Variants in EYS observed in about 807,000 individuals in gnomAD.
EYS encodes the protein EGF-like photoreceptor maintenance factor, also known as protein eyes shut homolog.
EYS carries 250 observed loss-of-function variants against 282.1 expected under a neutral mutation model. The observed-to-expected ratio is 0.89, with a 90% CI of 0.80 to 0.98. The LOEUF (loss-of-function observed/expected upper bound fraction) is 0.98. Ranked by LOEUF, EYS falls within the 50% of genes least tolerant of loss-of-function variation. The probability of loss-of-function intolerance (pLI) is 0.00; values close to 1 mark genes in which losing one functional copy is unlikely to be tolerated. For synonymous variants in EYS, 1,355 were observed against 1,282.9 expected (o/e 1.06, Z -1.20); for missense variants, 4,016 against 3,709.0 (o/e 1.08, Z -2.15).
chr6:63,781,408 G>A (rs1770222560), intron 39 of EYS, among the ~76,000 whole-genome samples: 1 of 152,020 alleles, frequency 6.6e-6, no homozygotes, highest in Non-Finnish European at 1.5e-5. Flanking sequence ...ATTTGTTTGT[G>A]TCCTCTTTTA....
At chr6:65,279,199 A>G in intron 12 of EYS, among the ~76,000 whole-genome samples, 1 of 150,650 alleles carries the variant, frequency 6.6e-6, no homozygotes, top group East Asian at 1.9e-4. Flanking sequence ...TATAAAAAAA[A>G]ATAATAATAA....
chr6:65,379,926 C>T (rs1022594939), intron 8 of EYS, among the ~76,000 whole-genome samples: 2 of 151,916 alleles, frequency 1.3e-5, no homozygotes, highest in African/African-American at 2.4e-5. Flanking sequence ...TGAAGGACCT[C>T]TTCAAGGAGA....
intron 39 of EYS, among the ~76,000 whole-genome samples, chr6:63,782,252 A>C (rs532257915): frequency 2.6e-5 from 4 of 152,182 alleles, no homozygotes; most frequent in African/African-American, 9.7e-5. Context: ...TATCAGGATG[A>C]TGCTGCCCTC....
In EYS at chr6:64,707,621, C is replaced by T. The variant is rs1323545355; in HGVS notation, c.3444-81376G>A. Among the ~76,000 whole-genome samples the T allele has an allele frequency of 6.1e-5, 9 of 148,402 alleles. No individual in the cohort carries two copies. In the East Asian group the frequency reaches 1.2e-3, roughly 20 times the overall value. ...GAGGCCTTGCAGTGAGTGGAGATCACGCCACTGCACTCCAGCCGGGGCGAC... is the reference window on the plus strand; with the variant it reads ...GAGGCCTTGCAGTGAGTGGAGATCATGCCACTGCACTCCAGCCGGGGCGAC... On this transcript the variant is annotated intron_variant, in intron 22 of 42. Coordinates refer to ENST00000503581, the MANE Select transcript of EYS (RefSeq NM_001142800.2).
chr6:64,014,804 G>GT (rs1391202964), intron 33 of EYS, among the ~76,000 whole-genome samples: 1 of 150,500 alleles, frequency 6.6e-6, no homozygotes, highest in Non-Finnish European at 1.5e-5. Context: ...GGTTTCTGAG[G>GT]TTTTAGGTAC....
intron 9 of EYS, among the ~76,000 whole-genome samples, chr6:65,346,718 T>C (rs1426915657): frequency 6.6e-6 from 1 of 151,818 alleles, no homozygotes; most frequent in Non-Finnish European, 1.5e-5. Flanking sequence ...GAAAGACCCA[T>C]GCTTCCAAAT....
intron 36 of EYS, among the ~76,000 whole-genome samples, chr6:63,834,659 C>T (rs551936790): frequency 1.3e-5 from 2 of 150,502 alleles, no homozygotes; most frequent in African/African-American, 5.0e-5. Flanking sequence ...CCTCAAGGAT[C>T]TAAAGCTAGA....
At chr6:65,593,019 T>C (rs1179942531) in intron 2 of EYS, among the ~76,000 whole-genome samples, 7 of 152,000 alleles carry the variant, frequency 4.6e-5, no homozygotes, top group Non-Finnish European at 1.5e-5. Context: ...GAAGATAATA[T>C]GTAAATAAAT....
chr6:64,864,592 G>T (rs1489605454), intron 19 of EYS, among the ~76,000 whole-genome samples: 1 of 147,654 alleles, frequency 6.8e-6, no homozygotes, highest in Non-Finnish European at 1.5e-5. Flanking sequence ...CACCATGTTG[G>T]CTACGATAGT....
chr6:63,877,660 T>A (rs1773013133), intron 35 of EYS, among the ~76,000 whole-genome samples: 1 of 152,222 alleles, frequency 6.6e-6, no homozygotes, highest in Non-Finnish European at 1.5e-5. Context: ...TTGGAGGCTT[T>A]GTTCATTTCT....
In EYS at chr6:65,437,799, T is replaced by C. The variant is rs114285368; in HGVS notation, c.863-32432A>G. On this transcript the variant is annotated intron_variant, in intron 5 of 42. Transcript: ENST00000503581. ...AAAACAGTCTCTGGCATTATGCTTT[T>C]TGTCACTTTCAAACACCTCCAAATT... Among the ~76,000 whole-genome samples, 1,441 of 152,250 alleles carry C rather than the reference T, an allele frequency of 9.5e-3. 21 individuals are homozygous for C. The highest frequency in any genetic ancestry group is 0.033 in the African/African-American group (1,374 of 41,564).
intron 12 of EYS, among the ~76,000 whole-genome samples, chr6:65,201,721 T>A (rs576436281): frequency 7.9e-5 from 12 of 152,294 alleles, no homozygotes; most frequent in African/African-American, 2.9e-4. Flanking sequence ...TATAACTATT[T>A]CAAAGCAATA....
chr6:63,878,377 G>C (rs1043681791), intron 35 of EYS, among the ~76,000 whole-genome samples: 2 of 152,182 alleles, frequency 1.3e-5, no homozygotes, highest in African/African-American at 4.8e-5. Flanking sequence ...TGAGGTGTCA[G>C]TCGGCCCTTA....
intron 31 of EYS, among the ~76,000 whole-genome samples, chr6:64,149,480 C>T (rs1277210992): frequency 2.0e-5 from 3 of 151,980 alleles, no homozygotes; most frequent in Admixed American, 6.6e-5. Context: ...TAGATGGGCA[C>T]GAAGATTTTG....
intron 33 of EYS, among the ~76,000 whole-genome samples, chr6:64,021,743 A>G (rs1417292697): frequency 6.6e-6 from 1 of 151,768 alleles, no homozygotes; most frequent in Non-Finnish European, 1.5e-5. Flanking sequence ...TCTCCCTCCC[A>G]CCCCATCCCT....
At chr6:65,446,252 T>G (rs746777497) in intron 5 of EYS, among the ~76,000 whole-genome samples, 1 of 151,826 alleles carries the variant, frequency 6.6e-6, no homozygotes, top group Non-Finnish European at 1.5e-5. Flanking sequence ...AATAAAATGT[T>G]AATACTTTTA....
At chr6:65,635,748 A>G (rs1767062089) in intron 2 of EYS, among the ~76,000 whole-genome samples, 1 of 152,226 alleles carries the variant, frequency 6.6e-6, no homozygotes, top group African/African-American at 2.4e-5. Context: ...ACATCACTAT[A>G]GTATATTGCC....
intron 26 of EYS, among the ~76,000 whole-genome samples, chr6:64,487,804 T>C (rs1776622967): frequency 6.6e-6 from 1 of 151,072 alleles, no homozygotes; most frequent in African/African-American, 2.4e-5. Context: ...CAATACCTAT[T>C]ATTTGAGTAT....
chr6:65,498,034 C>T (rs561173450), intron 2 of EYS, among the ~76,000 whole-genome samples: 3 of 152,024 alleles, frequency 2.0e-5, no homozygotes, highest in Admixed American at 1.3e-4. Context: ...ACAAATATAA[C>T]ACTCGTGAAG....
Sources: gnomAD v4.1 joint callset for allele counts (sites outside exome capture counted in the v4.1 genomes callset) on GRCh38, gnomAD v4.1.1 for gene constraint, MANE v1.5 for transcripts, NCBI Gene and HGNC (gene_info 2026-07-23, HGNC 2026-07-21) for gene names.